The following PAK3 variants were observed in gnomAD, a reference collection of about 807,000 sequenced individuals.
PAK3 encodes serine/threonine-protein kinase PAK 3.
PAK3 carries 4 observed loss-of-function variants against 41.0 expected under a neutral mutation model. The ratio of observed to expected loss-of-function variants is 0.10; its 90% CI spans 0.05 to 0.22. The LOEUF (loss-of-function observed/expected upper bound fraction) is 0.22. PAK3 is among the 10% of genes least tolerant of loss of function. The probability of loss-of-function intolerance (pLI) is 1.00; values close to 1 mark genes in which losing one functional copy is unlikely to be tolerated. For synonymous variants in PAK3, 146 were observed against 139.6 expected (o/e 1.05, Z -0.32); for missense variants, 205 against 409.9 (o/e 0.50, Z 4.32).
chrX:110,995,526 T>C (rs1055068300), intron 1 of PAK3, among the ~76,000 whole-genome samples: 3 of 111,488 alleles, frequency 2.7e-5, no homozygotes, highest in Non-Finnish European at 5.6e-5. Flanking sequence ...CAGACCACTG[T>C]TGAGTCCCTC....
At chrX:111,076,440 C>T (rs1015603056) in intron 1 of PAK3, among the ~76,000 whole-genome samples, 1 of 111,560 alleles carries the variant, frequency 9.0e-6, no homozygotes, top group Non-Finnish European at 1.9e-5. Flanking sequence ...GCTGTGTCCT[C>T]CCCGCTTGCT....
chrX:111,147,113 A>G (rs2093955215), intron 6 of PAK3, among the ~76,000 whole-genome samples: 2 of 111,015 alleles, frequency 1.8e-5, no homozygotes, highest in South Asian at 7.8e-4. Context: ...GGAAATGCCC[A>G]AAGCAGCATT....
chrX:110,954,741 G>A (rs894883164), intron 1 of PAK3, among the ~76,000 whole-genome samples: 1 of 112,033 alleles, frequency 8.9e-6, no homozygotes, highest in Non-Finnish European at 1.9e-5. Context: ...CTTGTGAATT[G>A]TTAACTGAGT....
At chrX:111,031,442 G>A (rs1019935128) in intron 1 of PAK3, among the ~76,000 whole-genome samples, 1 of 112,083 alleles carries the variant, frequency 8.9e-6, no homozygotes, top group Admixed American at 9.5e-5. Flanking sequence ...CTTTCTGGTT[G>A]ATGCTGGCCC....
chrX:111,110,753 C>T (rs1056648685), intron 4 of PAK3, among the ~76,000 whole-genome samples: 3 of 111,963 alleles, frequency 2.7e-5, no homozygotes, highest in Admixed American at 9.4e-5. Flanking sequence ...TACGGAGACA[C>T]TTCAACAGAC....
chrX:111,022,879 G>C (rs1368669913), intron 1 of PAK3, among the ~76,000 whole-genome samples: 1 of 109,687 alleles, frequency 9.1e-6, no homozygotes, highest in Non-Finnish European at 1.9e-5. Context: ...AAGTGAGCAG[G>C]AGTAGCTATT....
At chrX:111,001,533 G>T (rs776636737) in intron 1 of PAK3, among the ~76,000 whole-genome samples, 2 of 111,896 alleles carry the variant, frequency 1.8e-5, no homozygotes, top group Non-Finnish European at 3.8e-5. Flanking sequence ...AGCACAAACG[G>T]GTGGGCTGAT....
intron 1 of PAK3, among the ~76,000 whole-genome samples, chrX:110,949,054 C>T (rs2090685044): frequency 8.9e-6 from 1 of 112,167 alleles, no homozygotes; most frequent in African/African-American, 3.2e-5. Flanking sequence ...TACCACATGA[C>T]AGAACAGAAG....
chrX:111,017,290 C>T (rs2092106801), intron 1 of PAK3, among the ~76,000 whole-genome samples: 1 of 110,773 alleles, frequency 9.0e-6, no homozygotes, highest in Non-Finnish European at 1.9e-5. Context: ...TAGAGAACAG[C>T]AATGAATCCA....
At chrX:111,079,615 C>G (rs1183441841) in intron 1 of PAK3, among the ~76,000 whole-genome samples, 1 of 112,310 alleles carries the variant, frequency 8.9e-6, no homozygotes, top group South Asian at 3.7e-4. Context: ...AACACAACAT[C>G]TCTTCTGCAG....
chrX:111,123,430 T>A (rs2149004147), intron 5 of PAK3, 152 bp downstream of exon 5: 1 of 476,108 alleles, frequency 2.1e-6, no homozygotes, highest in East Asian at 3.7e-5. Context: ...TGTCAGAGAA[T>A]AATGTTTGAT....
intron 1 of PAK3, among the ~76,000 whole-genome samples, chrX:111,018,448 C>T (rs961486449): frequency 8.1e-5 from 9 of 110,835 alleles, no homozygotes; most frequent in Non-Finnish European, 1.9e-5. Context: ...ACACCGACAA[C>T]AAGCAATCTG....
intron 1 of PAK3, among the ~76,000 whole-genome samples, chrX:110,974,654 C>G (rs1026674508): frequency 9.0e-6 from 1 of 111,055 alleles, no homozygotes; most frequent in Admixed American, 9.5e-5. Flanking sequence ...AGAGACACAA[C>G]AAAAAAAGAG....
intron 1 of PAK3, among the ~76,000 whole-genome samples, chrX:111,038,390 G>A (rs2092420986): frequency 8.9e-6 from 1 of 111,971 alleles, no homozygotes; most frequent in Non-Finnish European, 1.9e-5. Flanking sequence ...CTGCTCACCT[G>A]GGCTGGGATA....
intron 1 of PAK3, among the ~76,000 whole-genome samples, chrX:111,075,769 G>A (rs1011665185): frequency 8.9e-6 from 1 of 112,518 alleles, no homozygotes; most frequent in African/African-American, 3.2e-5. Flanking sequence ...CCTCAGCCTA[G>A]AAGAGCCACA....
intron 13 of PAK3, among the ~76,000 whole-genome samples, chrX:111,193,725 ATTC>A (rs774768190): frequency 1.3e-4 from 14 of 110,377 alleles, no homozygotes; most frequent in African/African-American, 4.3e-4. Flanking sequence ...ACCTAAAGTC[ATTC>A]TGTGTTTGTA....
intron 1 of PAK3, among the ~76,000 whole-genome samples, chrX:111,090,578 C>T (rs2092922290): frequency 9.0e-6 from 1 of 111,534 alleles, no homozygotes; most frequent in African/African-American, 3.3e-5. Context: ...CTGTTCCTGA[C>T]AACCTCATTA....
intron 5 of PAK3, among the ~76,000 whole-genome samples, chrX:111,137,799 G>A (rs1264560712): frequency 9.0e-6 from 1 of 111,532 alleles, no homozygotes; most frequent in East Asian, 2.8e-4. Flanking sequence ...TTGTAGCCTT[G>A]TTCTGAGTTC....
chrX:111,082,664 A>G (rs189799899), intron 1 of PAK3, among the ~76,000 whole-genome samples: 19 of 111,790 alleles, frequency 1.7e-4, no homozygotes, highest in Non-Finnish European at 2.8e-4. Flanking sequence ...AAAGGAAACC[A>G]GTTTTACTTG....
Sources: gnomAD v4.1 joint callset for allele counts (sites outside exome capture counted in the v4.1 genomes callset) on GRCh38, gnomAD v4.1.1 for gene constraint, MANE v1.5 for transcripts, NCBI Gene and HGNC (gene_info 2026-07-23, HGNC 2026-07-21) for gene names.